The following ZNF469 variants were observed in gnomAD, a reference collection of about 807,000 sequenced individuals.
The protein encoded by ZNF469 is zinc finger protein 469.
A neutral mutation model predicts 1.0 loss-of-function variants in ZNF469; 1 was observed. The ratio of observed to expected loss-of-function variants is 1.00; its 90% confidence interval spans 0.35 to 4.73. ZNF469 has a LOEUF of 4.73. Ranked by LOEUF, ZNF469 falls within the 30% of genes most tolerant of loss-of-function variation. The pLI is 0.16. For missense variants in ZNF469, 6,100 were observed against 5,356.3 expected (o/e 1.14, Z -4.33); for synonymous variants, 2,703 against 2,363.4 (o/e 1.14, Z -4.17).
At chr16:88,216,491 C>G in the ZNF469 span, among the ~76,000 whole-genome samples, 2 of 60,240 alleles carry the variant, frequency 3.3e-5, no homozygotes, top group Non-Finnish European at 9.0e-5. Context: ...GAGACTCCGT[C>G]TCAAAAAAAA....
the ZNF469 span, among the ~76,000 whole-genome samples, chr16:88,101,661 G>C: frequency 6.6e-6 from 1 of 152,044 alleles, no homozygotes; most frequent in Admixed American, 6.6e-5. Flanking sequence ...ATCTGAGGCA[G>C]GCACCGTCAA....
At chr16:88,195,715 C>T in the ZNF469 span, among the ~76,000 whole-genome samples, 1 of 152,194 alleles carries the variant, frequency 6.6e-6, no homozygotes, top group Non-Finnish European at 1.5e-5. Flanking sequence ...GCTCTGAGAC[C>T]TCGGGGTGTC....
chr16:88,312,719 G>A, the ZNF469 span, among the ~76,000 whole-genome samples: 3 of 152,114 alleles, frequency 2.0e-5, no homozygotes, highest in Non-Finnish European at 4.4e-5. Flanking sequence ...CTTTGTCTAG[G>A]GGGTGAGCCA....
rs1022311019 is a variant in ZNF469, at chr16:88,394,055, G to A, written c.-192+10801G>A. Among the ~76,000 whole-genome samples the A allele has an allele frequency of 1.4e-4, 22 of 151,876 alleles. 1 individual carries two copies. Among genetic ancestry groups the A allele is most frequent in the African/African-American group, 4.1e-4 (17 of 41,372 alleles). On this transcript the variant is annotated intron_variant, in intron 1 of 2. Coordinates refer to ENST00000565624, the MANE Select transcript of ZNF469 (RefSeq NM_001367624.2). ...GTCCAAGAGGAGCAGGGTTTGACACGTCTACACCTGCGCTGCCTGAGAGGA... is the reference window on the plus strand; with the variant it reads ...GTCCAAGAGGAGCAGGGTTTGACACATCTACACCTGCGCTGCCTGAGAGGA...
upstream of ZNF469, among the ~76,000 whole-genome samples, chr16:88,381,865 G>A (rs938787060): frequency 6.6e-6 from 1 of 152,264 alleles, no homozygotes; most frequent in Non-Finnish European, 1.5e-5. Context: ...AGACCAGATT[G>A]GGGGAGGGGC....
At position 88,432,251 on chromosome 16, in the gene ZNF469, T is replaced by C; in HGVS notation, c.4781T>C (p.Val1594Ala). The change falls in exon 3 of 3, where the codon GTG (valine) becomes GCG (alanine). Residue 1594 changes from valine to alanine, a missense_variant. Val to Ala is a moderately conservative substitution (Grantham distance 64). Transcript: ENST00000565624. ...APRELAEAES[V>A]GRVELGTGTE... Reference sequence around the variant, plus strand: ...AGAGAGCTTGCAGAAGCTGAGTCGGTGGGCAGGGTGGAGCTCGGCACAGGC... The same window carrying C: ...AGAGAGCTTGCAGAAGCTGAGTCGGCGGGCAGGGTGGAGCTCGGCACAGGC... The C allele has an allele frequency of 6.5e-7, 1 of 1,548,392 alleles. No individual in the cohort carries two copies. The highest frequency in any genetic ancestry group is 8.7e-7 in the Non-Finnish European group (1 of 1,146,960).
At chr16:88,387,452 C>A (rs1344176136) in intron 1 of ZNF469, among the ~76,000 whole-genome samples, 1 of 152,154 alleles carries the variant, frequency 6.6e-6, no homozygotes, top group South Asian at 2.1e-4. Flanking sequence ...TCAAAGCATG[C>A]CCCACCCCCT....
chr16:88,239,743 G>T, the ZNF469 span, among the ~76,000 whole-genome samples: 21 of 75,902 alleles, frequency 2.8e-4, no homozygotes, highest in South Asian at 1.0e-3. Flanking sequence ...TTTTTTTTTA[G>T]TAGAGACAGG....
chr16:88,266,204 T>C, the ZNF469 span, among the ~76,000 whole-genome samples: 1 of 152,132 alleles, frequency 6.6e-6, no homozygotes, highest in Non-Finnish European at 1.5e-5. Flanking sequence ...CAGCCCTCCA[T>C]GGAATGCAGG....
intron 1 of ZNF469, among the ~76,000 whole-genome samples, chr16:88,401,841 T>G (rs1173881806): frequency 1.3e-5 from 2 of 149,024 alleles, no homozygotes; most frequent in African/African-American, 5.0e-5. Flanking sequence ...GGATGGTGGA[T>G]GGATGGATAC....
At chr16:88,417,060 C>T (rs1905320554) in intron 1 of ZNF469, among the ~76,000 whole-genome samples, 1 of 152,236 alleles carries the variant, frequency 6.6e-6, no homozygotes, top group African/African-American at 2.4e-5. Flanking sequence ...GAAAGGCAGA[C>T]TTGGGCACCG....
At chr16:88,189,509 C>T in the ZNF469 span, among the ~76,000 whole-genome samples, 5 of 152,234 alleles carry the variant, frequency 3.3e-5, no homozygotes, top group South Asian at 2.1e-4. This position sits in a 1 kb window ranked among gnomAD's most constrained non-coding sequence, Gnocchi z 4.3. Flanking sequence ...TGGGCACGTT[C>T]ATTTATCCAC....
the ZNF469 span, among the ~76,000 whole-genome samples, chr16:88,351,500 G>C: frequency 2.6e-5 from 4 of 152,082 alleles, no homozygotes; most frequent in South Asian, 6.2e-4. Context: ...TCAAAGCACA[G>C]GTCCCAGAAA....
the ZNF469 span, among the ~76,000 whole-genome samples, chr16:88,255,246 A>G: frequency 5.1e-4 from 78 of 152,300 alleles, no homozygotes; most frequent in African/African-American, 1.7e-3. Flanking sequence ...TTCCTCAAAC[A>G]TTTATCAAGC....
At position 88,438,170 on chromosome 16, in the gene ZNF469, G is replaced by A. The variant is rs199610834; in HGVS notation, c.10700G>A (p.Gly3567Glu). The A allele has an allele frequency of 2.1e-3, 3,249 of 1,549,976 alleles. 6 individuals are homozygous for A. The highest frequency in any genetic ancestry group is 3.1e-3 in the Admixed American group (157 of 50,998). Residue 3567 changes from glycine to glutamate, a missense_variant, in exon 3 of 3, where the codon GGA becomes GAA. Physicochemically the swap from Gly to Glu is moderately conservative, Grantham distance 98 (BLOSUM62 -2). Coordinates refer to ENST00000565624, the MANE Select transcript of ZNF469 (RefSeq NM_001367624.2). ...PFPAALADGR[G>E]DCALDGALER... ...CCAGCTGCCTTGGCTGATGGCAGAG[G>A]AGACTGCGCGCTGGACGGAGCCCTG...
the ZNF469 span, among the ~76,000 whole-genome samples, chr16:88,338,169 G>A: frequency 6.6e-5 from 10 of 151,110 alleles, no homozygotes; most frequent in Non-Finnish European, 1.2e-4. Flanking sequence ...GCTGCCAATC[G>A]CCTGGGGAGA....
At chr16:88,328,153 T>C in the ZNF469 span, among the ~76,000 whole-genome samples, 1 of 152,236 alleles carries the variant, frequency 6.6e-6, no homozygotes, top group African/African-American at 2.4e-5. Context: ...GCCGAGTCTG[T>C]GCTTCTCGCC....
the ZNF469 span, among the ~76,000 whole-genome samples, chr16:88,275,682 A>T: frequency 1.8e-3 from 278 of 152,306 alleles, 1 homozygote; most frequent in Middle Eastern, 0.014. Context: ...AATCCCATGC[A>T]GCTTCTAAAC....
chr16:88,198,094 C>G, the ZNF469 span, among the ~76,000 whole-genome samples: 1 of 152,368 alleles, frequency 6.6e-6, no homozygotes, highest in South Asian at 2.1e-4. Flanking sequence ...TTTGCTCATT[C>G]AAAAACTGTC....
Sources: allele counts gnomAD v4.1 joint callset (sites outside exome capture counted in the v4.1 genomes callset), GRCh38; gene constraint gnomAD v4.1.1; non-coding constraint Gnocchi (gnomAD v3.1); transcripts MANE v1.5; gene names NCBI Gene and HGNC (gene_info 2026-07-23, HGNC 2026-07-21).